Variants in JAKMIP2 observed in about 807,000 individuals in gnomAD.
The protein encoded by JAKMIP2 is janus kinase and microtubule interacting protein 2.
JAKMIP2 carries 25 observed loss-of-function variants against 115.0 expected under a neutral mutation model. The observed-to-expected ratio is 0.22, with a 90% CI of 0.16 to 0.30. The LOEUF (loss-of-function observed/expected upper bound fraction) is 0.30, where lower values mean the gene tolerates loss of function less well. JAKMIP2 is among the 10% of genes least tolerant of loss of function. The pLI is 1.00. For missense variants in JAKMIP2, 642 were observed against 957.6 expected (o/e 0.67, Z 4.35); for synonymous variants, 334 against 343.6 (o/e 0.97, Z 0.31).
At chr5:147,681,821 C>T (rs1435088604) in intron 1 of JAKMIP2, among the ~76,000 whole-genome samples, 6 of 151,912 alleles carry the variant, frequency 3.9e-5, no homozygotes, top group African/African-American at 9.7e-5. Context: ...GCAGGTGGAT[C>T]GCTTGAGTCC....
intron 1 of JAKMIP2, among the ~76,000 whole-genome samples, chr5:147,701,725 G>A (rs577803694): frequency 6.6e-6 from 1 of 152,292 alleles, no homozygotes; most frequent in Admixed American, 6.5e-5. Context: ...AAGGAGGCTT[G>A]TTTGCCCCTT....
At chr5:147,592,049 A>G (rs1224623927) in intron 21 of JAKMIP2, among the ~76,000 whole-genome samples, 1 of 152,180 alleles carries the variant, frequency 6.6e-6, no homozygotes, top group African/African-American at 2.4e-5. Context: ...ATGTTATTTT[A>G]TTTTTGAAAC....
intron 1 of JAKMIP2, among the ~76,000 whole-genome samples, chr5:147,675,419 T>C (rs1038436518): frequency 1.3e-5 from 2 of 152,006 alleles, no homozygotes; most frequent in African/African-American, 4.8e-5. Context: ...TGCCTGGCAA[T>C]CTCATGATTC....
At chr5:147,640,891 T>C (rs181404744) in intron 8 of JAKMIP2, 68 bp from the exon 9 acceptor site, 14 of 1,406,890 alleles carry the variant, frequency 1.0e-5, no homozygotes, top group African/African-American at 8.6e-5. Context: ...GTTAAAATAC[T>C]GTCAACTGGC....
chr5:147,718,489 G>C (rs1299819709), intron 1 of JAKMIP2, among the ~76,000 whole-genome samples: 6 of 151,986 alleles, frequency 3.9e-5, no homozygotes, highest in African/African-American at 1.5e-4. Context: ...GACTCTTTTT[G>C]GTTGGTAAGC....
chr5:147,710,717 A>G (rs1036389620), intron 1 of JAKMIP2, among the ~76,000 whole-genome samples: 10 of 152,230 alleles, frequency 6.6e-5, no homozygotes, highest in African/African-American at 2.2e-4. Context: ...GCATTAAACT[A>G]TGTATTGTTA....
At chr5:147,761,257 A>G (rs1006071850) in intron 1 of JAKMIP2, among the ~76,000 whole-genome samples, 5 of 152,148 alleles carry the variant, frequency 3.3e-5, no homozygotes, top group African/African-American at 1.2e-4. Context: ...CAGCTCCTGT[A>G]TTAATTCTTC....
intron 3 of JAKMIP2, among the ~76,000 whole-genome samples, chr5:147,658,784 T>A (rs1374618313): frequency 6.6e-6 from 1 of 152,030 alleles, no homozygotes; most frequent in Non-Finnish European, 1.5e-5. Flanking sequence ...TGTGCTGTGG[T>A]GAATTCGGCC....
chr5:147,665,367 T>C (rs994747634), intron 2 of JAKMIP2, among the ~76,000 whole-genome samples: 3 of 152,234 alleles, frequency 2.0e-5, no homozygotes, highest in Non-Finnish European at 2.9e-5. Context: ...AGGAAAAGCC[T>C]TGTTTTCTAT....
intron 1 of JAKMIP2, among the ~76,000 whole-genome samples, chr5:147,715,559 A>G (rs1289044745): frequency 6.6e-6 from 1 of 151,572 alleles, no homozygotes; most frequent in African/African-American, 2.4e-5. Context: ...AGATTTTACT[A>G]GAACAAATAG....
chr5:147,759,771 GAGTCTGCAA>G (rs1465494447), intron 1 of JAKMIP2, among the ~76,000 whole-genome samples: 2 of 152,206 alleles, frequency 1.3e-5, no homozygotes, highest in South Asian at 4.1e-4. Context: ...ATCAGGAGAG[GAGTCTGCAA>G]AGTCAATTCG....
At chr5:147,745,325 T>C (rs990810403) in intron 1 of JAKMIP2, among the ~76,000 whole-genome samples, 6 of 152,220 alleles carry the variant, frequency 3.9e-5, no homozygotes, top group African/African-American at 1.4e-4. Context: ...ATCTATTATT[T>C]TAGGTTTCCA....
intron 1 of JAKMIP2, among the ~76,000 whole-genome samples, chr5:147,705,284 A>G (rs1448681533): frequency 2.0e-5 from 3 of 152,112 alleles, no homozygotes; most frequent in Non-Finnish European, 4.4e-5. Context: ...CCCTTCACTC[A>G]GAGACAGTGA....
chr5:147,727,653 C>G (rs937116884), intron 1 of JAKMIP2, among the ~76,000 whole-genome samples: 6 of 152,138 alleles, frequency 3.9e-5, no homozygotes, highest in African/African-American at 1.4e-4. Flanking sequence ...TGGGTGGCAA[C>G]ATAGAGCCAA....
chr5:147,645,377 G>A (rs1758086639), intron 5 of JAKMIP2, among the ~76,000 whole-genome samples: 1 of 152,130 alleles, frequency 6.6e-6, no homozygotes, highest in Non-Finnish European at 1.5e-5. Context: ...CAGAGATAAA[G>A]GAGCTCACCC....
At chr5:147,773,202 A>G (rs1755429735) in intron 1 of JAKMIP2, among the ~76,000 whole-genome samples, 1 of 152,144 alleles carries the variant, frequency 6.6e-6, no homozygotes, top group Non-Finnish European at 1.5e-5. Flanking sequence ...AAATTTACCT[A>G]GGGGGAAGTG....
At chr5:147,721,829 G>A (rs1753317808) in intron 1 of JAKMIP2, among the ~76,000 whole-genome samples, 2 of 152,112 alleles carry the variant, frequency 1.3e-5, no homozygotes, top group African/African-American at 4.8e-5. Flanking sequence ...CATGCTGGGA[G>A]CTGTAGACCG....
chr5:147,611,199 G>A (rs1756298745), intron 20 of JAKMIP2, among the ~76,000 whole-genome samples: 1 of 152,162 alleles, frequency 6.6e-6, no homozygotes, highest in Non-Finnish European at 1.5e-5. Flanking sequence ...GAACGGTTGT[G>A]TCTTGATGGC....
At chr5:147,769,165 T>C (rs932090213) in intron 1 of JAKMIP2, among the ~76,000 whole-genome samples, 1 of 152,068 alleles carries the variant, frequency 6.6e-6, no homozygotes, top group Admixed American at 6.6e-5. Context: ...TACTCCTCCT[T>C]TGTACAACTC....
Sources: allele counts gnomAD v4.1 joint callset (sites outside exome capture counted in the v4.1 genomes callset), GRCh38; gene constraint gnomAD v4.1.1; transcripts MANE v1.5; gene names NCBI Gene and HGNC (gene_info 2026-07-23, HGNC 2026-07-21).